Variants in RBFOX1 observed in about 807,000 individuals in gnomAD.
The protein encoded by RBFOX1 is RNA binding protein fox-1 homolog 1.
RBFOX1 carries 8 observed loss-of-function variants against 57.7 expected under a neutral mutation model. The ratio of observed to expected loss-of-function variants is 0.14; its 90% CI spans 0.08 to 0.25. The LOEUF (loss-of-function observed/expected upper bound fraction) is 0.25, where lower values mean the gene tolerates loss of function less well. RBFOX1 is among the 10% of genes least tolerant of loss of function. The pLI, the probability that RBFOX1 is intolerant of heterozygous loss-of-function variation, is 1.00. For missense variants in RBFOX1, 611 were observed against 548.5 expected (o/e 1.11, Z -1.14); for synonymous variants, 326 against 222.4 (o/e 1.47, Z -4.15).
At chr16:7,084,670 C>A (rs527363778) in intron 4 of RBFOX1, among the ~76,000 whole-genome samples, 17 of 152,304 alleles carry the variant, frequency 1.1e-4, no homozygotes, top group African/African-American at 4.1e-4. Flanking sequence ...TGATTGGTCT[C>A]CTGTGCTCAC....
Position 6,541,039 on chromosome 16 carries a change from G to T in RBFOX1, c.-63-113564G>T, listed in dbSNP as rs184638277. Among the ~76,000 whole-genome samples, 313 of 152,290 alleles carry T rather than the reference G, an allele frequency of 2.1e-3. 1 individual carries two copies. Among genetic ancestry groups the T allele is most frequent in the Admixed American group, 4.1e-3 (62 of 15,290 alleles). ...TGAATCAAGTTCTTATATAAAGAGG[G>T]ATCCTAGGATAATGCTACTTTTAGA... On this transcript the variant is annotated intron_variant, in intron 2 of 15. Transcript: ENST00000550418.
At chr16:6,865,992 G>A (rs1287140910) in intron 3 of RBFOX1, among the ~76,000 whole-genome samples, 2 of 151,810 alleles carry the variant, frequency 1.3e-5, no homozygotes, top group African/African-American at 4.8e-5. Context: ...AAACAATCGG[G>A]GAAAAAAGAG....
chr16:6,894,837 A>C (rs1253078895), intron 3 of RBFOX1, among the ~76,000 whole-genome samples: 1 of 152,194 alleles, frequency 6.6e-6, no homozygotes, highest in Non-Finnish European at 1.5e-5. Flanking sequence ...CCAGAATAAG[A>C]CATGTTGGGT....
At chr16:7,137,922 C>G (rs911443196) in intron 4 of RBFOX1, among the ~76,000 whole-genome samples, 1 of 152,126 alleles carries the variant, frequency 6.6e-6, no homozygotes, top group Non-Finnish European at 1.5e-5. Flanking sequence ...TGTACATTAG[C>G]TAATTAAATA....
intron 4 of RBFOX1, among the ~76,000 whole-genome samples, chr16:7,127,487 C>T (rs2068909126): frequency 6.6e-6 from 1 of 152,040 alleles, no homozygotes; most frequent in Non-Finnish European, 1.5e-5. Context: ...ATAAATAGAG[C>T]AGTTTTTGAT....
At chr16:7,078,355 A>T in intron 4 of RBFOX1, among the ~76,000 whole-genome samples, 1 of 151,986 alleles carries the variant, frequency 6.6e-6, no homozygotes. Flanking sequence ...CATATACTTT[A>T]TTTATTTATT....
intron 4 of RBFOX1, among the ~76,000 whole-genome samples, chr16:7,096,618 G>C (rs922336736): frequency 6.6e-6 from 1 of 152,040 alleles, no homozygotes; most frequent in Non-Finnish European, 1.5e-5. Flanking sequence ...TTGGATCTAG[G>C]AGTGGACTTA....
intron 3 of RBFOX1, among the ~76,000 whole-genome samples, chr16:5,720,193 G>T (rs535704064): frequency 6.6e-6 from 1 of 152,306 alleles, no homozygotes; most frequent in Admixed American, 6.5e-5. Flanking sequence ...CATTGTGTGT[G>T]TGCTTACTGG....
chr16:7,200,398 A>G (rs1272663740), intron 4 of RBFOX1, among the ~76,000 whole-genome samples: 2 of 152,200 alleles, frequency 1.3e-5, no homozygotes, highest in Admixed American at 6.5e-5. Flanking sequence ...ATCTTAGAAA[A>G]TATAACCCAC....
chr16:7,101,136 G>A (rs1387941267), intron 4 of RBFOX1, among the ~76,000 whole-genome samples: 1 of 152,164 alleles, frequency 6.6e-6, no homozygotes, highest in Non-Finnish European at 1.5e-5. Flanking sequence ...AACGATGCCT[G>A]CCGTTGGTTG....
chr16:5,321,256 G>A (rs1167355174), intron 1 of RBFOX1, among the ~76,000 whole-genome samples: 1 of 152,090 alleles, frequency 6.6e-6, no homozygotes, highest in Non-Finnish European at 1.5e-5. Flanking sequence ...TGAGGGGTGG[G>A]AGTGAGAAGC....
chr16:7,673,393 C>A (rs181612108), intron 13 of RBFOX1, among the ~76,000 whole-genome samples: 18 of 152,084 alleles, frequency 1.2e-4, no homozygotes, highest in African/African-American at 4.3e-4. Flanking sequence ...ACCATTAATA[C>A]CCCACAAGCA....
chr16:5,454,412 A>G (rs1483382539), intron 1 of RBFOX1, among the ~76,000 whole-genome samples: 1 of 152,232 alleles, frequency 6.6e-6, no homozygotes, highest in African/African-American at 2.4e-5. Context: ...ACTTGGTTGG[A>G]CCACAGTGCC....
At chr16:6,089,947 T>C (rs2096147064) in intron 1 of RBFOX1, 1 of 152,210 alleles carries the variant, frequency 6.6e-6, no homozygotes, top group Admixed American at 6.5e-5. Context: ...ATGGATTTAG[T>C]ATCTTACAGT....
chr16:6,869,060 A>G (rs1429774399), intron 3 of RBFOX1, among the ~76,000 whole-genome samples: 1 of 152,190 alleles, frequency 6.6e-6, no homozygotes, highest in Non-Finnish European at 1.5e-5. Context: ...AATGAGAAAT[A>G]AACTTCCATT....
intron 3 of RBFOX1, among the ~76,000 whole-genome samples, chr16:5,837,135 G>A (rs374165286): frequency 3.5e-4 from 53 of 151,932 alleles, no homozygotes; most frequent in Non-Finnish European, 4.6e-4. Flanking sequence ...CTCCTGCTTC[G>A]CTCAAATCCC....
chr16:6,567,399 C>T (rs1237222451), intron 2 of RBFOX1, among the ~76,000 whole-genome samples: 1 of 152,154 alleles, frequency 6.6e-6, no homozygotes, highest in East Asian at 1.9e-4. Context: ...TTTGGTCTTT[C>T]TGTCCCTAGA....
At position 6,105,603 on chromosome 16, in the gene RBFOX1, CTTTTA is replaced by C. The variant is rs921303897; in HGVS notation, c.-127+85626_-127+85630del. On this transcript the variant is annotated intron_variant, in intron 1 of 15. Transcript: ENST00000550418. ...CTATGGTTATTTTCATGGACACTAC[CTTTTA>C]TTTTATTTTATTTTTTTGTTTTTCT... Among the ~76,000 whole-genome samples the C allele has an allele frequency of 5.3e-5, 8 of 151,868 alleles. No homozygotes were observed. In the East Asian group the frequency reaches 5.8e-4, roughly 11 times the overall value.
chr16:5,373,192 G>A (rs2065902703), intron 1 of RBFOX1, among the ~76,000 whole-genome samples: 1 of 152,130 alleles, frequency 6.6e-6, no homozygotes, highest in Admixed American at 6.5e-5. Flanking sequence ...CATTCCTTGT[G>A]GGAGTTTGTT....
Sources: allele counts gnomAD v4.1 joint callset (sites outside exome capture counted in the v4.1 genomes callset), GRCh38; gene constraint gnomAD v4.1.1; transcripts MANE v1.5; gene names NCBI Gene and HGNC (gene_info 2026-07-23, HGNC 2026-07-21).